Variants in MRPL14 observed in about 807,000 individuals in gnomAD.
MRPL14 encodes mitochondrial ribosomal protein L14, also known as large ribosomal subunit protein uL14m.
In MRPL14, 8 loss-of-function variants were observed where a neutral mutation model predicts 10.9. The observed-to-expected ratio is 0.74, with a 90% CI of 0.43 to 1.33. MRPL14 has a LOEUF of 1.33. Among genes scored for constraint, MRPL14 ranks in the 40% most tolerant of loss-of-function variants. The pLI, the probability that MRPL14 is intolerant of heterozygous loss-of-function variation, is 0.01. For synonymous variants in MRPL14, 82 were observed against 74.1 expected (o/e 1.11, Z -0.54); for missense variants, 179 against 194.5 (o/e 0.92, Z 0.47).
chr6:44,114,401 T>C (rs931637860), intron 2 of MRPL14, among the ~76,000 whole-genome samples, 192 bp from the exon 3 acceptor site: 2 of 152,192 alleles, frequency 1.3e-5, no homozygotes, highest in Admixed American at 1.3e-4. Flanking sequence ...TTCCTCACAA[T>C]TGAGAGCTTC....
At chr6:44,124,631 A>T (rs114400824) in intron 1 of MRPL14, among the ~76,000 whole-genome samples, 1,975 of 152,310 alleles carry the variant, frequency 0.013, 21 homozygotes, top group Middle Eastern at 0.048. Context: ...TGAGTTTTTA[A>T]CAGAGGGCTC....
At chr6:44,117,272 TG>T (rs746643031) in intron 1 of MRPL14, among the ~76,000 whole-genome samples, 16 of 152,172 alleles carry the variant, frequency 1.1e-4, no homozygotes, top group Non-Finnish European at 1.9e-4. Context: ...CAGCTGAAAG[TG>T]GGCTTTGGGA....
chr6:44,114,487 CA>C (rs1331318979), intron 2 of MRPL14, among the ~76,000 whole-genome samples: 3 of 152,238 alleles, frequency 2.0e-5, no homozygotes, highest in African/African-American at 7.2e-5. Flanking sequence ...AACTTCACAG[CA>C]GCCATAACTT....
At chr6:44,125,654 C>CAAAAAAA (rs56951374) in intron 1 of MRPL14, among the ~76,000 whole-genome samples, 15 of 64,596 alleles carry the variant, frequency 2.3e-4, no homozygotes, top group African/African-American at 7.9e-4. Flanking sequence ...GAGACTGTCT[C>CAAAAAAA]AAAAAAAAAA....
intron 2 of MRPL14, among the ~76,000 whole-genome samples, chr6:44,115,261 C>T (rs1031960186): frequency 6.6e-6 from 1 of 152,170 alleles, no homozygotes; most frequent in Non-Finnish European, 1.5e-5. Context: ...TCTCCAGCCC[C>T]GCCTCTCTTC....
intron 1 of MRPL14, 40 bp downstream of exon 1, chr6:44,127,304 G>A (rs1055313118): frequency 4.6e-5 from 7 of 152,060 alleles, no homozygotes; most frequent in African/African-American, 1.7e-4. Context: ...GGAGAAGGAG[G>A]GAATGAGGAC....
At chr6:44,123,664 G>A (rs1237525730) in intron 1 of MRPL14, among the ~76,000 whole-genome samples, 1 of 152,150 alleles carries the variant, frequency 6.6e-6, no homozygotes, top group African/African-American at 2.4e-5. Flanking sequence ...ACATGTCTAG[G>A]GTTCTTGTCC....
chr6:44,116,450 T>C, intron 2 of MRPL14, 91 bp downstream of exon 2: 1 of 1,331,172 alleles, frequency 7.5e-7, no homozygotes, highest in African/African-American at 1.5e-5. Flanking sequence ...CCTCCCTGAG[T>C]TTTTACTCCT....
chr6:44,122,192 C>T (rs1054422270), intron 1 of MRPL14, among the ~76,000 whole-genome samples: 1 of 151,922 alleles, frequency 6.6e-6, no homozygotes, highest in Admixed American at 6.6e-5. Context: ...ACACCATTCT[C>T]CTGCCTCAGC....
At chr6:44,123,248 T>C (rs1776623487) in intron 1 of MRPL14, among the ~76,000 whole-genome samples, 1 of 152,166 alleles carries the variant, frequency 6.6e-6, no homozygotes, top group South Asian at 2.1e-4. Context: ...GATTGACTCG[T>C]CCAAGGTTAC....
intron 2 of MRPL14, among the ~76,000 whole-genome samples, chr6:44,114,852 G>A (rs370804675): frequency 1.3e-3 from 201 of 152,198 alleles, no homozygotes; most frequent in African/African-American, 4.6e-3. Flanking sequence ...CTCATGATCC[G>A]CCCGCCTCGG....
chr6:44,117,933 C>CGAG (rs1045321476), intron 1 of MRPL14, among the ~76,000 whole-genome samples: 1 of 149,970 alleles, frequency 6.7e-6, no homozygotes, highest in African/African-American at 2.5e-5. Flanking sequence ...GCAATCCTCC[C>CGAG]GCCTCAGCCC....
At chr6:44,114,439 A>G (rs1775643834) in intron 2 of MRPL14, among the ~76,000 whole-genome samples, 2 of 152,216 alleles carry the variant, frequency 1.3e-5, no homozygotes, top group African/African-American at 4.8e-5. Context: ...CTCAATTTGG[A>G]TGGGTTTTAA....
chr6:44,117,980 C>G (rs1040015954), intron 1 of MRPL14, among the ~76,000 whole-genome samples: 4 of 151,636 alleles, frequency 2.6e-5, no homozygotes, highest in African/African-American at 9.7e-5. Flanking sequence ...AGCCACCCAC[C>G]ACACCTGGCC....
At chr6:44,123,078 A>T (rs541828228) in intron 1 of MRPL14, among the ~76,000 whole-genome samples, 5 of 152,354 alleles carry the variant, frequency 3.3e-5, no homozygotes, top group Admixed American at 3.3e-4. Context: ...TTTCACACAG[A>T]TCACTTTCTT....
At chr6:44,121,757 T>G (rs138539020) in intron 1 of MRPL14, among the ~76,000 whole-genome samples, 3 of 152,120 alleles carry the variant, frequency 2.0e-5, no homozygotes, top group African/African-American at 4.8e-5. Flanking sequence ...CTGACCAACA[T>G]AGTGAAACCC....
At chr6:44,124,454 C>T (rs2128202669) in intron 1 of MRPL14, among the ~76,000 whole-genome samples, 1 of 152,328 alleles carries the variant, frequency 6.6e-6, no homozygotes, top group Middle Eastern at 3.4e-3. Flanking sequence ...ACTAGATCTG[C>T]AGGATAGTTT....
intron 2 of MRPL14, among the ~76,000 whole-genome samples, chr6:44,115,077 G>A (rs1775710470): frequency 6.6e-6 from 1 of 152,062 alleles, no homozygotes; most frequent in East Asian, 1.9e-4. Flanking sequence ...AGTACTTATT[G>A]AAGGCAGACA....
chr6:44,119,333 A>G (rs1776183178), intron 1 of MRPL14, among the ~76,000 whole-genome samples: 1 of 152,214 alleles, frequency 6.6e-6, no homozygotes, highest in African/African-American at 2.4e-5. Context: ...GTTTGAGACC[A>G]GCCTGGCCAA....
Sources: allele counts gnomAD v4.1 joint callset (sites outside exome capture counted in the v4.1 genomes callset), GRCh38; gene constraint gnomAD v4.1.1; transcripts MANE v1.5; gene names NCBI Gene and HGNC (gene_info 2026-07-23, HGNC 2026-07-21).